The following DUOX2 variants were observed in gnomAD, a reference collection of about 807,000 sequenced individuals.
DUOX2 encodes dual oxidase 2.
A neutral mutation model predicts 183.3 loss-of-function variants in DUOX2; 185 were observed. The ratio of observed to expected loss-of-function variants is 1.01; its 90% CI spans 0.90 to 1.14. The LOEUF is 1.14. Among genes scored for constraint, DUOX2 ranks in the 50% most tolerant of loss-of-function variants. DUOX2 has a pLI of 0.00. For synonymous variants in DUOX2, 788 were observed against 812.4 expected, an observed-to-expected ratio of 0.97 and a Z score of 0.51; for missense variants, 1,999 against 2,022.9, an observed-to-expected ratio of 0.99 and a Z score of 0.23.
intron 32 of DUOX2, 46 bp from the exon 33 acceptor site, chr15:45,094,737 A>G: frequency 6.2e-7 from 1 of 1,610,972 alleles, no homozygotes; most frequent in Non-Finnish European, 8.5e-7. Context: ...CAGGGCCAGC[A>G]CTCAGCCCGA....
chr15:45,106,307 T>C lies in DUOX2; in HGVS notation c.1966A>G (p.Lys656Glu). Residue 656 changes from lysine to glutamate, a missense_variant, in exon 17 of 34, where the codon AAG (lysine) becomes GAG (glutamate). Around this residue, in one of 3 missense-constraint regions of DUOX2, gnomAD observed 1,628 missense variants for 1,608.6 expected, o/e 1.01. Transcript: ENST00000389039. ...GVPAMEWPGP[K>E]ERSSPIIIQL... ...ATGATGATGGGACTGCTCCTCTCCT[T>C]GGGGCCTGGCCACTCCATCGCTGGG... 6.2e-7 allele frequency: 1 copy of C among 1,614,080 alleles called. No homozygotes were observed. Among genetic ancestry groups the C allele is most frequent in the Non-Finnish European group, 8.5e-7 (1 of 1,180,026 alleles).
chr15:45,099,755 A>G lies in DUOX2; in HGVS notation c.3322T>C (p.Phe1108Leu). Residue 1108 changes from phenylalanine (F) to leucine (L), a missense_variant, in exon 25 of 34, where the codon TTC becomes CTC. By Grantham distance (22) the Phe-to-Leu change is conservative. This residue lies in a region of DUOX2 where 1,628 missense variants were observed against 1,608.6 expected (regional missense o/e 1.01). Transcript: ENST00000389039. ...CGGTTGAGGAAAGTCTCTCGCAGGA[A>G]GGTTATGAGGTTGCGGCACATGGTG... Reference protein sequence around the residue: ...LLTMCRNLITFLRETFLNRYV... With the variant: ...LLTMCRNLITLLRETFLNRYV... 1 of 1,614,188 alleles carries G rather than the reference A, an allele frequency of 6.2e-7. No homozygotes were observed. Among genetic ancestry groups the G allele is most frequent in the Non-Finnish European group, 8.5e-7 (1 of 1,180,038 alleles).
In DUOX2 at chr15:45,112,602, C is replaced by T. The variant is rs755090561; in HGVS notation, c.277G>A (p.Ala93Thr). Residue 93 changes from alanine to threonine, a missense_variant, in exon 4 of 34, where the codon GCC becomes ACC. Around this residue, in one of 3 missense-constraint regions of DUOX2, gnomAD observed 356 missense variants for 356.4 expected, o/e 1.00. Transcript: ENST00000389039. ...CGGTTGTGGAGCGACGGCAGGCCGGCTATGCCCCGCGTGGCTGCGTTGCTG... is the reference window on the plus strand; with the variant it reads ...CGGTTGTGGAGCGACGGCAGGCCGGTTATGCCCCGCGTGGCTGCGTTGCTG... ...RLSNAATRGI[A>T]GLPSLHNRTV... The T allele has an allele frequency of 6.2e-7, 1 of 1,612,954 alleles. No homozygotes were observed. The highest frequency in any genetic ancestry group is 8.5e-7 in the Non-Finnish European group (1 of 1,179,784).
chr15:45,099,013 C>CTTTT, intron 26 of DUOX2: 7 of 224,824 alleles, frequency 3.1e-5, no homozygotes, highest in East Asian at 1.0e-4. Context: ...CTATTTCTTT[C>CTTTT]TTTTTTTTTT....
At chr15:45,096,092 G>A in intron 29 of DUOX2, 32 bp from the exon 30 acceptor site, 2 of 1,578,230 alleles carry the variant, frequency 1.3e-6, no homozygotes, top group Non-Finnish European at 1.7e-6. Flanking sequence ...AAGCACAGAT[G>A]AGAAGGCCTG....
intron 30 of DUOX2, 52 bp from the exon 31 acceptor site, chr15:45,095,647 G>C: frequency 6.2e-7 from 1 of 1,612,764 alleles, no homozygotes; most frequent in South Asian, 1.1e-5. Context: ...CCAGCTCTGA[G>C]ACCAGAAACG....
intron 32 of DUOX2, 55 bp from the exon 33 acceptor site, chr15:45,094,746 G>A (rs546148981): frequency 1.8e-5 from 29 of 1,609,258 alleles, no homozygotes; most frequent in African/African-American, 6.7e-5. Flanking sequence ...CACTCAGCCC[G>A]AGCCAGCCCA....
chr15:45,096,273 C>G (rs1020916905), intron 29 of DUOX2, among the ~76,000 whole-genome samples: 1 of 152,060 alleles, frequency 6.6e-6, no homozygotes. Context: ...CTGTTCCAGC[C>G]CCTCTCCTCC....
Position 45,095,085 on chromosome 15 carries a change from A to T in DUOX2, c.4246T>A (p.Phe1416Ile), listed in dbSNP as rs1893866328. ...GSQMLCKKIY[F>I]IWVTRTQRQF... ...CGCTGGGTCCGTGTCACCCAGATGA[A>T]GTAGATCTGGGGACACAGGGCTGGA... Residue 1416 changes from phenylalanine to isoleucine, a missense_variant, in exon 32 of 34, where the codon TTC becomes ATC. By Grantham distance (21) the Phe-to-Ile change is conservative (BLOSUM62 0). This residue lies in a region of DUOX2 where 1,628 missense variants were observed against 1,608.6 expected (regional missense o/e 1.01). Transcript: ENST00000389039. 4.3e-6 allele frequency: 7 copies of T among 1,613,762 alleles called. No individual in the cohort carries two copies. In the East Asian group the frequency reaches 1.6e-4, roughly 36 times the overall value.
rs977021576 is a variant in DUOX2, at chr15:45,110,427, C to A, written c.1040+1G>T. 1.2e-6 allele frequency: 2 copies of A among 1,613,450 alleles called. No individual in the cohort carries two copies. The highest frequency in any genetic ancestry group is 1.7e-5 in the Admixed American group (1 of 59,988). ...CCCCTCTCTGCCAACCCCTCCCTCA[C>A]CTCATGTAGACACCAGGGGGCACCA... On this transcript the variant is annotated splice_donor_variant, in intron 9 of 33. Transcript: ENST00000389039. LOFTEE classifies it high-confidence loss of function.
chr15:45,097,786 G>C (rs1337027123), intron 27 of DUOX2, 45 bp from the exon 28 acceptor site: 1 of 1,613,836 alleles, frequency 6.2e-7, no homozygotes. Flanking sequence ...CAGGACTTCA[G>C]CTTGGGCTGA....
In DUOX2 at chr15:45,097,623, G is replaced by A. The variant is rs1893940447; in HGVS notation, c.3684C>T (p.Leu1228=). ...FWLTHHLYIL[L]YALLIIHGSY... ...CAGGGAAGTCCCTCACCAGGGCATA[G>A]AGCAGGATGTAGAGGTGGTGGGTCA... Residue 1228 remains leucine (L), a synonymous_variant, in exon 28 of 34, where the codon CTC becomes CTT. Coordinates refer to ENST00000389039, the MANE Select transcript of DUOX2 (RefSeq NM_001363711.2). 1 of 1,614,254 alleles carries A rather than the reference G, an allele frequency of 6.2e-7. No individual in the cohort carries two copies.
At chr15:45,109,368 A>AT in intron 11 of DUOX2, 156 bp downstream of exon 11, 6 of 657,394 alleles carry the variant, frequency 9.1e-6, no homozygotes, top group Middle Eastern at 4.1e-4. Flanking sequence ...AAAAAAAAAA[A>AT]GTTCAAAGTT....
chr15:45,108,859 TG>T lies in DUOX2; in HGVS notation c.1327del (p.Gln443ArgfsTer40). The T allele has an allele frequency of 2.5e-6, 4 of 1,614,246 alleles. No individual in the cohort carries two copies. Among genetic ancestry groups the T allele is most frequent in the Non-Finnish European group, 3.4e-6 (4 of 1,180,040 alleles). On this transcript the variant is annotated frameshift_variant, in exon 12 of 34. Coordinates refer to ENST00000389039, the MANE Select transcript of DUOX2 (RefSeq NM_001363711.2). LOFTEE classifies it high-confidence loss of function. ...GTCCAGCCCAAAGGCCAGCAGGGCCTGGCTATAGCTGGGCAGCCCCATATCT... is the reference window on the plus strand; with the variant it reads ...GTCCAGCCCAAAGGCCAGCAGGGCCTGCTATAGCTGGGCAGCCCCATATCT... ...GRDMGLPSYS[Q>X]ALLAFGLDIP... is the part of the protein sequence containing the mutation.
chr15:45,104,837 T>C (rs1340161979), intron 18 of DUOX2, among the ~76,000 whole-genome samples: 3 of 152,224 alleles, frequency 2.0e-5, no homozygotes, highest in Non-Finnish European at 4.4e-5. Flanking sequence ...GTTTGTTTTT[T>C]TGAGATGGAG....
In DUOX2 at chr15:45,095,552, T is replaced by C; in HGVS notation, c.4124A>G (p.His1375Arg). 6.2e-7 allele frequency: 1 copy of C among 1,614,240 alleles called. No individual in the cohort carries two copies. ...GPFGEGHQEW[H>R]KFEVSVLVGG... ...CACCAACACTGACACCTCAAATTTA[T>C]GCCACTCCTGATGGCCCTCTCCAAA... The change falls in exon 31 of 34, where the codon CAT becomes CGT. Residue 1375 changes from histidine (H) to arginine (R), a missense_variant. Coordinates refer to ENST00000389039, the MANE Select transcript of DUOX2 (RefSeq NM_001363711.2).
chr15:45,101,165 C>A lies in DUOX2; in HGVS notation c.2921+40G>T, dbSNP rs1423316051. 5.7e-6 allele frequency: 9 copies of A among 1,590,248 alleles called. No individual in the cohort carries two copies. The African/African-American group carries it at 1.1e-4, about 19-fold the overall frequency. ...ACTCCCTTCATTTCTCTGCAGGGGG[C>A]TCAGCCAGGCCAACCTGCCAGAGCC... On this transcript the variant is annotated intron_variant, in intron 22 of 33. Transcript: ENST00000389039.
At position 45,093,797 on chromosome 15, in the gene DUOX2, C is replaced by T. The variant is rs1011108142; in HGVS notation, c.*353G>A. 9.5e-6 allele frequency: 3 copies of T among 314,708 alleles called. No homozygotes were observed. The highest frequency in any genetic ancestry group is 6.4e-5 in the African/African-American group (3 of 47,046). The allele number at this position is 314,708 out of a possible 1,614,324, so 19.5% of individuals were successfully genotyped here. On this transcript the variant is annotated 3_prime_UTR_variant, in exon 34 of 34. Transcript: ENST00000389039. The stretch of plus-strand genomic sequence containing the variant: ...TGTCTCCTCCCCACTTTGCTTGCCA[C>T]GCCTGCCATGGCTTGAGCTGGGGTG...
chr15:45,112,493 C>A, intron 4 of DUOX2, 61 bp downstream of exon 4: 1 of 1,591,642 alleles, frequency 6.3e-7, no homozygotes, highest in Admixed American at 1.7e-5. Flanking sequence ...GGGATCTGGC[C>A]CCTCCCCCAG....
Sources: allele counts gnomAD v4.1 joint callset (sites outside exome capture counted in the v4.1 genomes callset), GRCh38; gene constraint gnomAD v4.1.1; regional missense constraint gnomAD v4.1.1; transcripts MANE v1.5; gene names NCBI Gene and HGNC (gene_info 2026-07-23, HGNC 2026-07-21).